The following EPB41L2 variants were observed in gnomAD, a reference collection of about 807,000 sequenced individuals.
The protein encoded by EPB41L2 is band 4.1-like protein 2.
Under a neutral mutation model 113.0 loss-of-function variants are expected in EPB41L2, and 43 were observed. That is an observed-to-expected ratio of 0.38 (90% CI 0.30 to 0.49). EPB41L2 has a LOEUF of 0.49. Ranked by LOEUF, EPB41L2 falls within the 20% of genes least tolerant of loss-of-function variation. The probability of loss-of-function intolerance (pLI) is 0.95; values close to 1 mark genes in which losing one functional copy is unlikely to be tolerated. For synonymous variants in EPB41L2, 442 were observed against 436.7 expected, an observed-to-expected ratio of 1.01 and a Z score of -0.15; for missense variants, 1,147 against 1,223.4, an observed-to-expected ratio of 0.94 and a Z score of 0.93.
chr6:130,931,798 T>G (rs1191790089), intron 3 of EPB41L2, among the ~76,000 whole-genome samples: 1 of 152,132 alleles, frequency 6.6e-6, no homozygotes, highest in Non-Finnish European at 1.5e-5. Context: ...TCCCCCGAGA[T>G]TCTGGTATGT....
In EPB41L2 at chr6:130,840,199, T is replaced by G. The variant is rs927631095; in HGVS notation, c.*405A>C. The G allele has an allele frequency of 7.2e-5, 11 of 152,746 alleles. No homozygotes were observed. The highest frequency in any genetic ancestry group is 2.6e-4 in the African/African-American group (11 of 41,582). The allele number at this position is 152,746 out of a possible 1,614,324, so 9.5% of individuals were successfully genotyped here. On this transcript the variant is annotated 3_prime_UTR_variant, in exon 20 of 20. Coordinates refer to ENST00000337057, the MANE Select transcript of EPB41L2 (RefSeq NM_001431.4). ...TCTAAATTAGTCACAGAGTTTCCTTTCTGCGCAACAGCACCTGTTCAAGTG... is the reference window on the plus strand; with the variant it reads ...TCTAAATTAGTCACAGAGTTTCCTTGCTGCGCAACAGCACCTGTTCAAGTG...
intron 11 of EPB41L2, among the ~76,000 whole-genome samples, chr6:130,888,737 G>T (rs1323270358): frequency 6.6e-6 from 1 of 152,160 alleles, no homozygotes; most frequent in Non-Finnish European, 1.5e-5. Context: ...GATTTACTTG[G>T]AAAAGTGCTC....
intron 1 of EPB41L2, among the ~76,000 whole-genome samples, chr6:130,980,626 G>A (rs915473833): frequency 1.3e-5 from 2 of 152,080 alleles, no homozygotes; most frequent in African/African-American, 4.8e-5. Context: ...AAATTTATAG[G>A]AGGCCATTGT....
chr6:130,873,993 G>C (rs1054982927), intron 14 of EPB41L2, among the ~76,000 whole-genome samples: 8 of 152,144 alleles, frequency 5.3e-5, no homozygotes, highest in African/African-American at 1.9e-4. Flanking sequence ...GCCCTTCCCA[G>C]TGAGAGATCA....
intron 3 of EPB41L2, among the ~76,000 whole-genome samples, chr6:130,929,243 C>G (rs1372092892): frequency 6.6e-6 from 1 of 152,208 alleles, no homozygotes; most frequent in African/African-American, 2.4e-5. Flanking sequence ...ACAGAAATCA[C>G]AGCTGCGCCA....
chr6:131,046,078 A>ATT (rs36055181), intron 1 of EPB41L2, among the ~76,000 whole-genome samples: 60 of 123,962 alleles, frequency 4.8e-4, no homozygotes, highest in African/African-American at 1.3e-3. Context: ...TCCGAAGCTA[A>ATT]TTTTTTTTTT....
At chr6:131,053,434 TAAA>T (rs71030727) in intron 1 of EPB41L2, among the ~76,000 whole-genome samples, 8,123 of 88,978 alleles carry the variant, frequency 0.091, 208 homozygotes, top group African/African-American at 0.16. Flanking sequence ...ATGGAAATGA[TAAA>T]AAAAAAAAAA....
At chr6:131,027,279 T>A (rs1189669468) in intron 1 of EPB41L2, among the ~76,000 whole-genome samples, 1 of 152,228 alleles carries the variant, frequency 6.6e-6, no homozygotes, top group African/African-American at 2.4e-5. Context: ...CAGGTATAAC[T>A]GATTCTATTA....
At position 130,901,094 on chromosome 6, in the gene EPB41L2, T is replaced by C; in HGVS notation, c.1016A>G (p.Tyr339Cys). 1 of 1,613,944 alleles carries C rather than the reference T, an allele frequency of 6.2e-7. No individual in the cohort carries two copies. The highest frequency in any genetic ancestry group is 8.5e-7 in the Non-Finnish European group (1 of 1,179,964). Reference protein sequence around the residue: ...SFVTHALLGSYTLQAELGDYD... With the variant: ...SFVTHALLGSCTLQAELGDYD... ...GTCACCAAGTTCAGCCTGCAGGGTG[T>C]AGGATCCCAGGAGAGCATGAGTCAC... The change falls in exon 7 of 20, where the codon TAC becomes TGC. Residue 339 changes from tyrosine (Y) to cysteine (C), a missense_variant. Transcript: ENST00000337057.
At chr6:130,999,596 CATG>C (rs1439110786) in intron 1 of EPB41L2, among the ~76,000 whole-genome samples, 1 of 152,128 alleles carries the variant, frequency 6.6e-6, no homozygotes, top group Non-Finnish European at 1.5e-5. Context: ...CTTCACCCTG[CATG>C]ATTGCTTCTC....
In EPB41L2 at chr6:130,892,403, C is replaced by CTTTTTTTTTTTTTT. The variant is rs60350565; in HGVS notation, c.1487+1927_1488-1938dup. Among the ~76,000 whole-genome samples the CTTTTTTTTTTTTTT allele has an allele frequency of 2.7e-3, 249 of 92,568 alleles. 13 individuals are homozygous for CTTTTTTTTTTTTTT. Among genetic ancestry groups the CTTTTTTTTTTTTTT allele is most frequent in the African/African-American group, 4.2e-3 (122 of 28,892 alleles). The allele number at this position is 92,568 out of a possible 152,430, so 60.7% of individuals were successfully genotyped here. ...CTTGCCATTTCTGAACAGATTATTGCTTTTTTTTTTTTTTTTTTTATCATT... is the reference window on the plus strand; with the variant it reads ...CTTGCCATTTCTGAACAGATTATTGCTTTTTTTTTTTTTTTTTTTTTTTTTTTTTTTTTATCATT... On this transcript the variant is annotated intron_variant, in intron 10 of 19. Transcript: ENST00000337057.
intron 10 of EPB41L2, among the ~76,000 whole-genome samples, chr6:130,892,944 C>G (rs890244498): frequency 6.6e-6 from 1 of 151,966 alleles, no homozygotes; most frequent in East Asian, 1.9e-4. Flanking sequence ...CAGTATTAGA[C>G]CATAAGTCCA....
chr6:131,024,414 G>A (rs994058637), intron 1 of EPB41L2, among the ~76,000 whole-genome samples: 7 of 152,192 alleles, frequency 4.6e-5, no homozygotes, highest in East Asian at 1.9e-4. Flanking sequence ...GGTGTGGCAC[G>A]GCTAAGCCTT....
chr6:131,044,267 C>A (rs1311517608), intron 1 of EPB41L2, among the ~76,000 whole-genome samples: 2 of 151,860 alleles, frequency 1.3e-5, no homozygotes, highest in African/African-American at 4.8e-5. Context: ...CCGAAGTGAT[C>A]CTCTGGCATC....
In EPB41L2 at chr6:130,867,958, ACACACACACACACACT is replaced by A. The variant is rs1444447387; in HGVS notation, c.2608-393_2608-378del. The A allele has an allele frequency of 1.3e-4, 21 of 162,920 alleles. No individual in the cohort carries two copies. In the East Asian group the frequency reaches 1.4e-3, roughly 11 times the overall value. 10.1% of individuals were successfully genotyped at this position (162,920 alleles called of 1,614,324 possible). A position where few individuals can be genotyped will look rare whatever the true frequency, so the allele number is the denominator to read the frequency against. On this transcript the variant is annotated intron_variant, in intron 15 of 19. Coordinates refer to ENST00000337057, the MANE Select transcript of EPB41L2 (RefSeq NM_001431.4). ...TAGTGACACACACACACACACACAC[ACACACACACACACACT>A]CTCTCTCTCTCTCTCTCTCTCTCTC... is the stretch of plus-strand genomic sequence containing the variant.
intron 19 of EPB41L2, among the ~76,000 whole-genome samples, chr6:130,851,738 A>G (rs755702028): frequency 6.6e-6 from 1 of 152,200 alleles, no homozygotes; most frequent in African/African-American, 2.4e-5. Context: ...TTCCAAAAAC[A>G]TGCTCATTTG....
At chr6:130,855,593 C>T (rs1247440076) in intron 19 of EPB41L2, among the ~76,000 whole-genome samples, 3 of 152,132 alleles carry the variant, frequency 2.0e-5, no homozygotes, top group Admixed American at 6.5e-5. Flanking sequence ...TCTCTCTATG[C>T]TAGCAAAAGC....
At chr6:130,972,261 T>C (rs936869418) in intron 1 of EPB41L2, among the ~76,000 whole-genome samples, 1 of 140,976 alleles carries the variant, frequency 7.1e-6, no homozygotes, top group Non-Finnish European at 1.5e-5. Context: ...GAGGTGGAGG[T>C]TGCAGTAAGC....
At chr6:131,035,818 T>G (rs1793187137) in intron 1 of EPB41L2, among the ~76,000 whole-genome samples, 1 of 152,134 alleles carries the variant, frequency 6.6e-6, no homozygotes, top group South Asian at 2.1e-4. Context: ...CAGTCCAGAG[T>G]TCAGAAGTGA....
Sources: allele counts gnomAD v4.1 joint callset (sites outside exome capture counted in the v4.1 genomes callset), GRCh38; gene constraint gnomAD v4.1.1; transcripts MANE v1.5; gene names NCBI Gene and HGNC (gene_info 2026-07-23, HGNC 2026-07-21).